Variants in MCTP1 observed in about 807,000 individuals in gnomAD.
MCTP1 encodes multiple C2 and transmembrane domain containing 1.
A neutral mutation model predicts 120.6 loss-of-function variants in MCTP1; 69 were observed. The observed-to-expected ratio is 0.57, with a 90% CI of 0.47 to 0.70. MCTP1 has a LOEUF of 0.70. Ranked by LOEUF, MCTP1 falls within the 30% of genes least tolerant of loss-of-function variation. The probability of loss-of-function intolerance (pLI) is 0.00; values close to 1 mark genes in which losing one functional copy is unlikely to be tolerated. For missense variants in MCTP1, 1,203 were observed against 1,248.8 expected, an observed-to-expected ratio of 0.96 and a Z score of 0.55; for synonymous variants, 529 against 493.1, an observed-to-expected ratio of 1.07 and a Z score of -0.96.
rs1753952298 is a variant in MCTP1 at position 94,703,758 on chromosome 5, A to G, written c.*3738T>C. ...CAGATCCCTCCTTTGAAAAGCACAG[A>G]TAGAATCATTAAGTTCCAGGAAACC... On this transcript the variant is annotated 3_prime_UTR_variant, in exon 23 of 23. Transcript: ENST00000515393. The G allele has an allele frequency of 6.6e-6, 1 of 151,382 alleles. No homozygotes were observed. Among genetic ancestry groups the G allele is most frequent in the Non-Finnish European group, 1.5e-5 (1 of 67,662 alleles). 9.4% of individuals were successfully genotyped at this position (151,382 alleles called of 1,614,324 possible).
chr5:94,824,007 T>G (rs749376348), intron 17 of MCTP1, among the ~76,000 whole-genome samples: 1 of 152,216 alleles, frequency 6.6e-6, no homozygotes, highest in Non-Finnish European at 1.5e-5. Context: ...TACTTCGACT[T>G]CTTCTCTTCC....
chr5:94,745,484 A>T (rs1207136010), intron 19 of MCTP1, among the ~76,000 whole-genome samples: 3 of 152,004 alleles, frequency 2.0e-5, no homozygotes, highest in Non-Finnish European at 4.4e-5. Context: ...TCTTATTCCC[A>T]TTTTGCAGAT....
chr5:95,057,989 G>T (rs1747872395), intron 1 of MCTP1, among the ~76,000 whole-genome samples: 1 of 151,970 alleles, frequency 6.6e-6, no homozygotes, highest in African/African-American at 2.4e-5. Context: ...CATTAATTGG[G>T]CCTATTTTAA....
chr5:94,840,655 A>ACC (rs748333711), intron 17 of MCTP1, among the ~76,000 whole-genome samples: 24 of 152,292 alleles, frequency 1.6e-4, no homozygotes, highest in African/African-American at 4.3e-4. Flanking sequence ...ATCAGGGCTT[A>ACC]CCACCTATGT....
chr5:94,716,911 A>C (rs959266771), intron 19 of MCTP1, among the ~76,000 whole-genome samples: 1 of 152,216 alleles, frequency 6.6e-6, no homozygotes, highest in Non-Finnish European at 1.5e-5. Context: ...AGAAATCATG[A>C]GAAGGCATTC....
Position 95,027,027 on chromosome 5 carries a change from A to T in MCTP1, c.721-9543T>A, listed in dbSNP as rs1839389309. On this transcript the variant is annotated intron_variant, in intron 1 of 22. Coordinates refer to ENST00000515393, the MANE Select transcript of MCTP1 (RefSeq NM_024717.7). ...GTACAGTGAAATATCCATTAAGTGGAAATCAAAGCTTTTTAAAACCTAATT... is the reference window on the plus strand; with the variant it reads ...GTACAGTGAAATATCCATTAAGTGGTAATCAAAGCTTTTTAAAACCTAATT... Among the ~76,000 whole-genome samples, 4 of 152,214 alleles carry T rather than the reference A, an allele frequency of 2.6e-5. No homozygotes were observed. In the South Asian group the frequency reaches 8.3e-4, roughly 32 times the overall value.
At chr5:94,832,148 CATTATTCA>C (rs2153164336) in intron 17 of MCTP1, among the ~76,000 whole-genome samples, 1 of 152,276 alleles carries the variant, frequency 6.6e-6, no homozygotes, top group South Asian at 2.1e-4. Context: ...ACTTTGAGTT[CATTATTCA>C]ACAGCTGCTT....
Position 94,819,489 on chromosome 5 carries a change from G to A in MCTP1, c.2437-20357C>T, listed in dbSNP as rs190797233. ...TTGGCTTCCCTTAGCACTCTTCAGC[G>A]TACAGTTTTTCAGAAAGGTTGAGAT... On this transcript the variant is annotated intron_variant, in intron 17 of 22. Transcript: ENST00000515393. Among the ~76,000 whole-genome samples, 9 of 152,150 alleles carry A rather than the reference G, an allele frequency of 5.9e-5. No homozygotes were observed. In the East Asian group the frequency reaches 1.2e-3, roughly 20 times the overall value.
At chr5:94,985,029 T>TAAAACTAATTA (rs1830205438) in intron 2 of MCTP1, among the ~76,000 whole-genome samples, 1 of 152,214 alleles carries the variant, frequency 6.6e-6, no homozygotes, top group Non-Finnish European at 1.5e-5. Flanking sequence ...AAATGTGTGA[T>TAAAACTAATTA]AAAACTAATT....
At chr5:94,789,820 T>C (rs779378946) in intron 18 of MCTP1, among the ~76,000 whole-genome samples, 1 of 152,238 alleles carries the variant, frequency 6.6e-6, no homozygotes, top group Non-Finnish European at 1.5e-5. Flanking sequence ...AACCACAGTT[T>C]GTACTGTTAG....
In MCTP1 at chr5:94,895,330, A is replaced by C. The variant is rs1803699190; in HGVS notation, c.1653-495T>G. ...TTACATTTTTTAAAACCATGCCAATATATTCATAGTACTCTGTATAAACCG... is the reference window on the plus strand; with the variant it reads ...TTACATTTTTTAAAACCATGCCAATCTATTCATAGTACTCTGTATAAACCG... On this transcript the variant is annotated intron_variant, in intron 10 of 22. Transcript: ENST00000515393. Among the ~76,000 whole-genome samples, 2 of 152,246 alleles carry C rather than the reference A, an allele frequency of 1.3e-5. 1 individual carries two copies. Among genetic ancestry groups the C allele is most frequent in the South Asian group, 4.1e-4 (2 of 4,834 alleles).
At chr5:94,786,894 C>T (rs1223007515) in intron 18 of MCTP1, among the ~76,000 whole-genome samples, 2 of 152,090 alleles carry the variant, frequency 1.3e-5, no homozygotes, top group African/African-American at 4.8e-5. Flanking sequence ...ATTTGTCCAG[C>T]TTCAGTGATT....
chr5:95,112,007 A>G (rs1220404817), intron 1 of MCTP1, among the ~76,000 whole-genome samples: 1 of 152,196 alleles, frequency 6.6e-6, no homozygotes, highest in Non-Finnish European at 1.5e-5. Flanking sequence ...ACTCCAGCAT[A>G]TAATGCAGTG....
At chr5:94,923,013 A>T (rs992496923) in intron 7 of MCTP1, among the ~76,000 whole-genome samples, 87 of 144,924 alleles carry the variant, frequency 6.0e-4, no homozygotes, top group Middle Eastern at 7.1e-3. Context: ...AAAAAAAAAA[A>T]AAAAAAAAGT....
At chr5:94,743,103 T>TA (rs1765910004) in intron 19 of MCTP1, among the ~76,000 whole-genome samples, 1 of 146,276 alleles carries the variant, frequency 6.8e-6, no homozygotes, top group South Asian at 2.1e-4. Flanking sequence ...TACGAACATC[T>TA]AATAAGAATC....
chr5:95,035,111 C>T (rs1338821135), intron 1 of MCTP1, among the ~76,000 whole-genome samples: 1 of 151,914 alleles, frequency 6.6e-6, no homozygotes, highest in Non-Finnish European at 1.5e-5. Context: ...AACACTCATA[C>T]ACTGTTGGTG....
intron 20 of MCTP1, among the ~76,000 whole-genome samples, chr5:94,711,426 T>C (rs111584057): frequency 0.012 from 1,823 of 152,200 alleles, 37 homozygotes; most frequent in African/African-American, 0.041. Flanking sequence ...TAGAATTCCT[T>C]AAACTACTCA....
intron 1 of MCTP1, among the ~76,000 whole-genome samples, chr5:95,096,053 A>C (rs1756242934): frequency 6.6e-6 from 1 of 152,228 alleles, no homozygotes; most frequent in African/African-American, 2.4e-5. Context: ...TGACAATGAA[A>C]AAATGTGATA....
chr5:94,871,044 A>T (rs1581126804), intron 14 of MCTP1, 71 bp from the exon 15 acceptor site: 1 of 1,242,598 alleles, frequency 8.0e-7, no homozygotes, highest in Admixed American at 1.8e-5. Flanking sequence ...GTGACCTTTG[A>T]CCCCCAGCTG....
Sources: gnomAD v4.1 joint callset for allele counts (sites outside exome capture counted in the v4.1 genomes callset) on GRCh38, gnomAD v4.1.1 for gene constraint, MANE v1.5 for transcripts, NCBI Gene and HGNC (gene_info 2026-07-23, HGNC 2026-07-21) for gene names.